The following SSBP3 variants were observed in gnomAD, a reference collection of about 807,000 sequenced individuals.
SSBP3 encodes single stranded DNA binding protein 3.
In SSBP3, 5 loss-of-function variants were observed where a neutral mutation model predicts 69.6. That is an observed-to-expected ratio of 0.07 (90% confidence interval 0.04 to 0.15). SSBP3 has a LOEUF of 0.15. Among genes scored for constraint, SSBP3 ranks in the 10% least tolerant of loss-of-function variants. The pLI is 1.00. For missense variants in SSBP3, 312 were observed against 534.0 expected, an observed-to-expected ratio of 0.58 and a Z score of 4.10; for synonymous variants, 196 against 193.4, an observed-to-expected ratio of 1.01 and a Z score of -0.11.
At chr1:54,248,779 T>C (rs1172290939) in intron 9 of SSBP3, among the ~76,000 whole-genome samples, 2 of 152,178 alleles carry the variant, frequency 1.3e-5, no homozygotes, top group African/African-American at 2.4e-5. Flanking sequence ...CTGGGTTTCT[T>C]CAAGGGACGT....
intron 4 of SSBP3, among the ~76,000 whole-genome samples, chr1:54,295,427 T>G (rs1557506041): frequency 1.3e-5 from 2 of 152,200 alleles, no homozygotes; most frequent in Non-Finnish European, 2.9e-5. Flanking sequence ...GAGCTGGAAC[T>G]CAATACTAGA....
chr1:54,232,138 C>T (rs1644389999), intron 14 of SSBP3, among the ~76,000 whole-genome samples: 1 of 152,122 alleles, frequency 6.6e-6, no homozygotes, highest in African/African-American at 2.4e-5. Context: ...ATGTAAACAA[C>T]AATAGGAACT....
chr1:54,366,842 C>T (rs890800216), intron 4 of SSBP3, among the ~76,000 whole-genome samples: 4 of 152,158 alleles, frequency 2.6e-5, no homozygotes, highest in African/African-American at 9.7e-5. Flanking sequence ...ACTTTAGAAG[C>T]GTTCAATCTT....
chr1:54,293,908 G>A (rs1369278586), intron 4 of SSBP3, among the ~76,000 whole-genome samples: 9 of 152,022 alleles, frequency 5.9e-5, no homozygotes, highest in African/African-American at 1.9e-4. Context: ...AGGCTGAGGC[G>A]GGTGGATTAC....
intron 1 of SSBP3, 89 bp downstream of exon 1, chr1:54,405,864 G>GGGGGGGGGGCCCCC: frequency 7.2e-6 from 1 of 138,886 alleles, no homozygotes; most frequent in Non-Finnish European, 1.5e-5. Flanking sequence ...GCAGCCTCCG[G>GGGGGGGGGGCCCCC]CCCCCGCCCG....
rs1168912041 is a variant in SSBP3, at chr1:54,396,193, G to GGAA, written c.276+5667_276+5668insTTC. ...GGTGACAGAGTGAGACTCCATCTCA[G>GGAA]AAAAAAAAAAAAAAAAAAAAAAAAA... On this transcript the variant is annotated intron_variant, in intron 4 of 17. Transcript: ENST00000610401. 6.7e-4 allele frequency among the ~76,000 whole-genome samples: 27 copies of GGAA among 40,580 alleles called. 1 individual carries two copies. The highest frequency in any genetic ancestry group is 2.6e-3 in the African/African-American group (27 of 10,410). The allele number at this position is 40,580 out of a possible 152,430, so 26.6% of individuals were successfully genotyped here.
chr1:54,405,711 C>G (rs1045444659), intron 1 of SSBP3, among the ~76,000 whole-genome samples: 1 of 151,788 alleles, frequency 6.6e-6, no homozygotes, highest in Non-Finnish European at 1.5e-5. Context: ...CCAAGTACCC[C>G]CTCCGGCGGC....
At chr1:54,386,278 G>T (rs1015741523) in intron 4 of SSBP3, among the ~76,000 whole-genome samples, 13 of 152,198 alleles carry the variant, frequency 8.5e-5, no homozygotes, top group African/African-American at 3.1e-4. Context: ...GCAAGGGCTG[G>T]GTGGCCTTCC....
intron 9 of SSBP3, among the ~76,000 whole-genome samples, chr1:54,243,684 G>A (rs1644682220): frequency 6.6e-6 from 1 of 152,196 alleles, no homozygotes; most frequent in South Asian, 2.1e-4. Context: ...GCTCTGAGGT[G>A]AGGAGGCAGG....
chr1:54,322,916 T>C (rs1345434475), intron 4 of SSBP3, among the ~76,000 whole-genome samples: 1 of 152,144 alleles, frequency 6.6e-6, no homozygotes. Flanking sequence ...ACAGGGGGGC[T>C]GGGAATAAAA....
At chr1:54,257,249 G>A in intron 6 of SSBP3, 63 bp from the exon 7 acceptor site, 2 of 1,404,674 alleles carry the variant, frequency 1.4e-6, no homozygotes, top group Non-Finnish European at 9.6e-7. Flanking sequence ...AAACACAAAT[G>A]CTCTCCACTC....
intron 13 of SSBP3, among the ~76,000 whole-genome samples, chr1:54,240,384 G>C (rs1292134002): frequency 6.7e-6 from 1 of 149,672 alleles, no homozygotes; most frequent in Non-Finnish European, 1.5e-5. Context: ...CTTGAGCCTG[G>C]GAGGTGGAGA....
chr1:54,231,896 A>T lies in SSBP3; in HGVS notation c.928-3070T>A, dbSNP rs1005379427. Among the ~76,000 whole-genome samples the T allele has an allele frequency of 3.9e-5, 6 of 152,014 alleles. No individual in the cohort carries two copies. The East Asian group carries it at 1.2e-3, about 30-fold the overall frequency. ...TTTAGTAGAGACAGGGTTTCACCAC[A>T]TTGGCCAAGCTGGTCTCAAACTCCT... On this transcript the variant is annotated intron_variant, in intron 14 of 17. Transcript: ENST00000610401.
chr1:54,404,820 G>GGGGT, intron 2 of SSBP3, 38 bp downstream of exon 2: 2 of 1,014,868 alleles, frequency 2.0e-6, no homozygotes, highest in Non-Finnish European at 2.9e-6. Flanking sequence ...GGGGGGGGGG[G>GGGGT]TGTCAAGAAA....
At chr1:54,308,067 C>G (rs1645932434) in intron 4 of SSBP3, among the ~76,000 whole-genome samples, 1 of 152,204 alleles carries the variant, frequency 6.6e-6, no homozygotes, top group East Asian at 1.9e-4. Flanking sequence ...CTGTAACATC[C>G]CTAGTGCTTA....
intron 4 of SSBP3, among the ~76,000 whole-genome samples, chr1:54,302,625 T>C (rs1468158028): frequency 2.0e-5 from 3 of 152,208 alleles, no homozygotes; most frequent in African/African-American, 7.2e-5. Context: ...ACCTGTCTTA[T>C]CCATCATTGC....
intron 9 of SSBP3, among the ~76,000 whole-genome samples, chr1:54,251,085 G>A (rs1019994136): frequency 2.0e-5 from 3 of 152,162 alleles, no homozygotes; most frequent in Non-Finnish European, 2.9e-5. Context: ...AGAGAATCGC[G>A]GACACAGTCC....
intron 1 of SSBP3, among the ~76,000 whole-genome samples, chr1:54,412,418 A>G (rs1445253987): frequency 6.6e-6 from 1 of 152,256 alleles, no homozygotes; most frequent in Non-Finnish European, 1.5e-5. Context: ...TGAAGACATT[A>G]TGCTAAATGA....
upstream of SSBP3, among the ~76,000 whole-genome samples, chr1:54,410,160 T>C (rs996020610): frequency 1.3e-5 from 2 of 152,148 alleles, no homozygotes; most frequent in Non-Finnish European, 2.9e-5. Context: ...GAAGGACAGA[T>C]GAACTGGGTG....
Sources: allele counts gnomAD v4.1 joint callset (sites outside exome capture counted in the v4.1 genomes callset), GRCh38; gene constraint gnomAD v4.1.1; transcripts MANE v1.5; gene names NCBI Gene and HGNC (gene_info 2026-07-23, HGNC 2026-07-21).